EYA1: variants seen among roughly 807,000 people sequenced by gnomAD.
The protein encoded by EYA1 is EYA transcriptional coactivator and phosphatase 1.
A neutral mutation model predicts 82.0 loss-of-function variants in EYA1; 16 were observed. That is an observed-to-expected ratio of 0.20 (90% CI 0.13 to 0.30). The LOEUF is 0.30. Ranked by LOEUF, EYA1 falls within the 10% of genes least tolerant of loss-of-function variation. The probability of loss-of-function intolerance (pLI) is 1.00; values close to 1 mark genes in which losing one functional copy is unlikely to be tolerated. For synonymous variants in EYA1, 261 were observed against 264.4 expected (o/e 0.99, Z 0.12); for missense variants, 633 against 730.7 (o/e 0.87, Z 1.54).
At chr8:71,327,652 T>C (rs182227811) in intron 4 of EYA1, among the ~76,000 whole-genome samples, 216 of 152,084 alleles carry the variant, frequency 1.4e-3, no homozygotes, top group African/African-American at 4.7e-3. Context: ...TCTTTCACTC[T>C]CCCCACGCCA....
chr8:71,250,379 C>T (rs1813606157), intron 11 of EYA1, among the ~76,000 whole-genome samples: 1 of 152,154 alleles, frequency 6.6e-6, no homozygotes, highest in Non-Finnish European at 1.5e-5. Context: ...TCCATCCCTA[C>T]AGGCAGCGCT....
At chr8:71,485,771 C>G (rs539134354) in intron 2 of EYA1, among the ~76,000 whole-genome samples, 26 of 152,196 alleles carry the variant, frequency 1.7e-4, no homozygotes, top group African/African-American at 6.3e-4. Flanking sequence ...AAAATAAGGG[C>G]TGAAATGTTT....
intron 16 of EYA1, among the ~76,000 whole-genome samples, chr8:71,212,370 T>C (rs1456176479): frequency 6.6e-6 from 1 of 152,248 alleles, no homozygotes; most frequent in African/African-American, 2.4e-5. Context: ...ATTAAATCAC[T>C]TTAAGAAGCA....
chr8:71,351,013 A>T (rs183639528), intron 3 of EYA1, among the ~76,000 whole-genome samples: 1 of 152,190 alleles, frequency 6.6e-6, no homozygotes, highest in Non-Finnish European at 1.5e-5. Flanking sequence ...GCTTGCACAG[A>T]TTCCCAAACA....
intron 2 of EYA1, among the ~76,000 whole-genome samples, chr8:71,493,072 T>C (rs1229516021): frequency 6.6e-6 from 1 of 152,230 alleles, no homozygotes; most frequent in Non-Finnish European, 1.5e-5. Flanking sequence ...GCCCCATCCA[T>C]GTTCCTGCAA....
intron 2 of EYA1, among the ~76,000 whole-genome samples, chr8:71,529,115 T>C (rs1814052047): frequency 6.6e-6 from 1 of 152,174 alleles, no homozygotes; most frequent in Non-Finnish European, 1.5e-5. Context: ...TTTCATGAAG[T>C]TATTCATTGA....
At chr8:71,319,840 C>T (rs1300658828) in intron 6 of EYA1, among the ~76,000 whole-genome samples, 1 of 152,072 alleles carries the variant, frequency 6.6e-6, no homozygotes, top group Admixed American at 6.5e-5. Context: ...AATGCACTGG[C>T]CCCCAAAATA....
chr8:71,259,572 T>C (rs763402546), intron 11 of EYA1, among the ~76,000 whole-genome samples: 5 of 152,248 alleles, frequency 3.3e-5, no homozygotes, highest in Non-Finnish European at 7.3e-5. Context: ...TCTCACTTCC[T>C]GGCTTCAAAT....
chr8:71,307,253 C>A (rs773058251), intron 7 of EYA1, among the ~76,000 whole-genome samples: 1 of 152,088 alleles, frequency 6.6e-6, no homozygotes, highest in African/African-American at 2.4e-5. Flanking sequence ...ATTTCTCAGA[C>A]TTTATCTGGA....
chr8:71,354,830 C>T lies in EYA1; in HGVS notation c.76G>A (p.Gly26Ser), dbSNP rs199664417. ...GAATTACTATTTATATGAGAGTTAC[C>T]GAGTTTGGGGCCACTGGGGGATTCA... Reference protein sequence around the residue: ...SSESPSGPKLGNSHINSNSMT... With the variant: ...SSESPSGPKLSNSHINSNSMT... Residue 26 changes from glycine (G) to serine (S), a missense_variant, in exon 3 of 18, where the codon GGT becomes AGT. Transcript: ENST00000340726. The T allele has an allele frequency of 1.7e-5, 27 of 1,613,574 alleles. No individual in the cohort carries two copies. The highest frequency in any genetic ancestry group is 8.3e-5 in the Admixed American group (5 of 59,996).
intron 2 of EYA1, among the ~76,000 whole-genome samples, chr8:71,433,712 C>G (rs1045731298): frequency 2.6e-5 from 4 of 152,134 alleles, no homozygotes; most frequent in Non-Finnish European, 4.4e-5. Flanking sequence ...AGAGGCCAAC[C>G]TGTCTGAATC....
chr8:71,292,508 T>C lies in EYA1; in HGVS notation c.826+6539A>G, dbSNP rs539293754. ...ATTTTATTTTATAGAGAGTGAAATT[T>C]GAATTTACCATGGAATACCCTTCTA... On this transcript the variant is annotated intron_variant, in intron 9 of 17. Coordinates refer to ENST00000340726, the MANE Select transcript of EYA1 (RefSeq NM_000503.6). 2.1e-3 allele frequency among the ~76,000 whole-genome samples: 327 copies of C among 152,156 alleles called. 3 individuals are homozygous for C. Among genetic ancestry groups the C allele is most frequent in the Non-Finnish European group, 3.5e-3 (235 of 67,908 alleles).
At chr8:71,484,297 TA>T (rs1378479959) in intron 2 of EYA1, among the ~76,000 whole-genome samples, 1 of 152,060 alleles carries the variant, frequency 6.6e-6, no homozygotes, top group Non-Finnish European at 1.5e-5. Flanking sequence ...TTCACAAAAG[TA>T]AAAAGACCAG....
chr8:71,284,540 T>C (rs1563396427), intron 9 of EYA1, among the ~76,000 whole-genome samples: 1 of 152,324 alleles, frequency 6.6e-6, no homozygotes, highest in Non-Finnish European at 1.5e-5. Context: ...AACAGCACCA[T>C]TGTCAAGATT....
chr8:71,525,155 G>A (rs1220179220), intron 2 of EYA1, among the ~76,000 whole-genome samples: 1 of 152,188 alleles, frequency 6.6e-6, no homozygotes, highest in Non-Finnish European at 1.5e-5. Flanking sequence ...GGCAGCAGCT[G>A]AGTCAGGGCT....
intron 12 of EYA1, among the ~76,000 whole-genome samples, chr8:71,231,265 G>A (rs1208607414): frequency 6.6e-6 from 1 of 152,110 alleles, no homozygotes; most frequent in Admixed American, 6.5e-5. Context: ...CATCTCCTTG[G>A]TAGTGCTATA....
intron 4 of EYA1, among the ~76,000 whole-genome samples, chr8:71,332,892 C>G (rs760646957): frequency 1.3e-5 from 2 of 152,154 alleles, no homozygotes; most frequent in Non-Finnish European, 2.9e-5. Context: ...GTCCATTTGT[C>G]CAGCATCTCT....
intron 7 of EYA1, among the ~76,000 whole-genome samples, chr8:71,309,193 T>C (rs1176963460): frequency 6.6e-6 from 1 of 152,206 alleles, no homozygotes; most frequent in Non-Finnish European, 1.5e-5. Context: ...CTTGATATAT[T>C]TCTATATATT....
chr8:71,314,604 T>A (rs1303111059), intron 7 of EYA1, among the ~76,000 whole-genome samples: 1 of 152,172 alleles, frequency 6.6e-6, no homozygotes, highest in African/African-American at 2.4e-5. Context: ...AATGCTCCTA[T>A]AAGCATTTTC....
Sources: allele counts gnomAD v4.1 joint callset (sites outside exome capture counted in the v4.1 genomes callset), GRCh38; gene constraint gnomAD v4.1.1; transcripts MANE v1.5; gene names NCBI Gene and HGNC (gene_info 2026-07-23, HGNC 2026-07-21).